Variants in PPP1R9A observed in about 807,000 individuals in gnomAD.
PPP1R9A encodes neurabin-1.
In PPP1R9A, 59 loss-of-function variants were observed where a neutral mutation model predicts 141.9. The ratio of observed to expected loss-of-function variants is 0.42; its 90% CI spans 0.34 to 0.52. PPP1R9A has a LOEUF of 0.52. PPP1R9A is among the 20% of genes least tolerant of loss of function. The probability of loss-of-function intolerance (pLI) is 0.10; values close to 1 mark genes in which losing one functional copy is unlikely to be tolerated. For synonymous variants in PPP1R9A, 500 were observed against 569.7 expected (o/e 0.88, Z 1.74); for missense variants, 1,444 against 1,611.9 (o/e 0.90, Z 1.78).
At chr7:95,264,100 T>C (rs1007827912) in intron 12 of PPP1R9A, among the ~76,000 whole-genome samples, 3 of 152,218 alleles carry the variant, frequency 2.0e-5, no homozygotes, top group African/African-American at 7.2e-5. Flanking sequence ...TGTTTTACAC[T>C]GCCTCTCTGA....
chr7:95,235,253 T>C (rs1407748310), intron 8 of PPP1R9A, among the ~76,000 whole-genome samples: 1 of 152,102 alleles, frequency 6.6e-6, no homozygotes, highest in African/African-American at 2.4e-5. Context: ...GAGAAAGTCT[T>C]TGCCATCTAT....
chr7:94,910,272 G>A lies in PPP1R9A; in HGVS notation c.159G>A (p.Gln53=), dbSNP rs1284230233. Residue 53 remains glutamine, a synonymous_variant, in exon 2 of 20, where the codon CAG becomes CAA. Coordinates refer to ENST00000433360, the MANE Select transcript of PPP1R9A (RefSeq NM_001166160.2). This position sits in a 1 kb window ranked among gnomAD's most constrained non-coding sequence, Gnocchi z 4.5. The part of the protein sequence containing the change: ...QKTKEGEGSQ[Q]SRGRKYGSNV... ...CAAAAGAAGGTGAGGGCTCCCAGCA[G>A]AGCAGGGGGAGGAAATATGGCTCCA... 1.2e-6 allele frequency: 2 copies of A among 1,614,004 alleles called. No homozygotes were observed. The highest frequency in any genetic ancestry group is 1.7e-6 in the Non-Finnish European group (2 of 1,180,044).
Position 95,235,589 on chromosome 7 carries a change from C to T in PPP1R9A, c.2112+9473C>T, listed in dbSNP as rs559333738. ...CTGTTGGTGGGAATGTAAACTAGTACAACCACTATGGAAAACAGTGTGGAG... is the reference window on the plus strand; with the variant it reads ...CTGTTGGTGGGAATGTAAACTAGTATAACCACTATGGAAAACAGTGTGGAG... On this transcript the variant is annotated intron_variant, in intron 8 of 19. Coordinates refer to ENST00000433360, the MANE Select transcript of PPP1R9A (RefSeq NM_001166160.2). 1.1e-4 allele frequency among the ~76,000 whole-genome samples: 16 copies of T among 152,264 alleles called. No homozygotes were observed. The South Asian group carries it at 1.2e-3, about 12-fold the overall frequency.
intron 7 of PPP1R9A, among the ~76,000 whole-genome samples, chr7:95,208,659 G>A (rs1188264182): frequency 6.0e-5 from 9 of 150,916 alleles, no homozygotes; most frequent in Non-Finnish European, 1.0e-4. Flanking sequence ...GGGAGGCAGA[G>A]CTTGCAGTGA....
rs1033637546 is a variant in PPP1R9A at position 95,286,342 on chromosome 7, A to G, written c.3729+17A>G. ...TCAGATGAGGTAATTCCATGGCACTATGACAGAGCTGCTTTGTCAAATCTG... is the reference window on the plus strand; with the variant it reads ...TCAGATGAGGTAATTCCATGGCACTGTGACAGAGCTGCTTTGTCAAATCTG... On this transcript the variant is annotated intron_variant, in intron 18 of 19. Transcript: ENST00000433360. 6.2e-6 allele frequency: 10 copies of G among 1,610,866 alleles called. No homozygotes were observed. Among genetic ancestry groups the G allele is most frequent in the African/African-American group, 5.3e-5 (4 of 74,848 alleles).
rs1806850948 is a variant in PPP1R9A at position 95,294,614 on chromosome 7, T to C, written c.*4311T>C. ...ATTTTGTTTGCATTTGTCTTGCGTA[T>C]TTAAAGTCTCAGGAAATCTAGTCTT... is the stretch of plus-strand genomic sequence containing the variant. On this transcript the variant is annotated 3_prime_UTR_variant, in exon 20 of 20. Coordinates refer to ENST00000433360, the MANE Select transcript of PPP1R9A (RefSeq NM_001166160.2). The C allele has an allele frequency of 6.6e-6, 1 of 152,206 alleles. No homozygotes were observed. Among genetic ancestry groups the C allele is most frequent in the Admixed American group, 6.5e-5 (1 of 15,280 alleles). 9.4% of individuals were successfully genotyped at this position (152,206 alleles called of 1,614,324 possible).
chr7:94,989,981 G>A (rs969161667), intron 2 of PPP1R9A, among the ~76,000 whole-genome samples: 3 of 151,918 alleles, frequency 2.0e-5, no homozygotes, highest in African/African-American at 4.8e-5. Flanking sequence ...TTCATGAAGC[G>A]TTTGATTAGT....
intron 2 of PPP1R9A, among the ~76,000 whole-genome samples, chr7:95,014,809 T>C (rs1298472674): frequency 6.6e-6 from 1 of 152,102 alleles, no homozygotes; most frequent in African/African-American, 2.4e-5. Flanking sequence ...GAAGTTTCCT[T>C]TCTCATTTGC....
intron 7 of PPP1R9A, 136 bp from the exon 8 acceptor site, chr7:95,225,825 A>T (rs1456390373): frequency 7.3e-6 from 6 of 821,656 alleles, no homozygotes; most frequent in Non-Finnish European, 1.1e-5. Context: ...TGCATGAGGC[A>T]TGCTTGGCTG....
chr7:95,072,883 A>T (rs28738819), intron 2 of PPP1R9A, among the ~76,000 whole-genome samples: 25 of 115,990 alleles, frequency 2.2e-4, no homozygotes, highest in Non-Finnish European at 3.5e-4. Flanking sequence ...AATATTATAT[A>T]ATATACCATA....
rs180897874 is a variant in PPP1R9A, at chr7:95,023,848, G to A, written c.1396-87411G>A. ...ATTACAGGCGTGAGCCACCATGCCC[G>A]GCCTTCTCTAGTTCTTTTAATTGTG... On this transcript the variant is annotated intron_variant, in intron 2 of 19. Transcript: ENST00000433360. Among the ~76,000 whole-genome samples the A allele has an allele frequency of 7.9e-5, 12 of 152,122 alleles. No homozygotes were observed. In the East Asian group the frequency reaches 1.7e-3, roughly 22 times the overall value.
At chr7:95,055,380 T>C (rs1811373779) in intron 2 of PPP1R9A, among the ~76,000 whole-genome samples, 2 of 152,158 alleles carry the variant, frequency 1.3e-5, no homozygotes, top group Non-Finnish European at 1.5e-5. Flanking sequence ...ACCCATTCTT[T>C]TGTTCTTGAT....
chr7:94,965,987 T>A (rs867890201), intron 2 of PPP1R9A, among the ~76,000 whole-genome samples: 1 of 152,214 alleles, frequency 6.6e-6, no homozygotes. Context: ...GTGTCCTCTC[T>A]TATTTCCTTG....
rs537312645 is a variant in PPP1R9A at position 95,142,133 on chromosome 7, G to A, written c.1650-19734G>A. ...TAATGATGTTGAACATTTTTTTCAT[G>A]TGCTTATTGGCCATTTTTATATCTA... On this transcript the variant is annotated intron_variant, in intron 4 of 19. Coordinates refer to ENST00000433360, the MANE Select transcript of PPP1R9A (RefSeq NM_001166160.2). Among the ~76,000 whole-genome samples, 53 of 151,934 alleles carry A rather than the reference G, an allele frequency of 3.5e-4. 1 individual carries two copies. The highest frequency in any genetic ancestry group is 6.8e-3 in the Middle Eastern group (2 of 294).
chr7:95,219,960 T>C (rs563299048), intron 7 of PPP1R9A, among the ~76,000 whole-genome samples: 1 of 152,242 alleles, frequency 6.6e-6, no homozygotes, highest in African/African-American at 2.4e-5. Context: ...AATCATAACG[T>C]CATGCAGTCA....
chr7:95,255,957 A>G (rs73223907), intron 12 of PPP1R9A, among the ~76,000 whole-genome samples: 21,845 of 152,026 alleles, frequency 0.14, 1,781 homozygotes, highest in Admixed American at 0.21. Context: ...TTTCTGTGAA[A>G]TTTGAATATT....
At chr7:95,151,941 C>CTTTTTTTTTTTTTTTTTTTTTTTTT (rs1167382285) in intron 4 of PPP1R9A, among the ~76,000 whole-genome samples, 1 of 54,446 alleles carries the variant, frequency 1.8e-5, no homozygotes. Context: ...TACTGAGAAT[C>CTTTTTTTTTTTTTTTTTTTTTTTTT]TTTTTTTTTT....
intron 2 of PPP1R9A, among the ~76,000 whole-genome samples, chr7:94,962,954 G>A (rs941338849): frequency 1.3e-5 from 2 of 152,000 alleles, no homozygotes; most frequent in Non-Finnish European, 2.9e-5. Flanking sequence ...TTTGCTTCCT[G>A]TTCATACATG....
intron 2 of PPP1R9A, among the ~76,000 whole-genome samples, chr7:94,996,162 C>T (rs1208549528): frequency 6.6e-6 from 1 of 151,966 alleles, no homozygotes; most frequent in East Asian, 1.9e-4. Context: ...TTATGCTATA[C>T]AAAAGTTAAT....
Sources: gnomAD v4.1 joint callset for allele counts (sites outside exome capture counted in the v4.1 genomes callset) on GRCh38, gnomAD v4.1.1 for gene constraint, Gnocchi (gnomAD v3.1) non-coding constraint, MANE v1.5 for transcripts, NCBI Gene and HGNC (gene_info 2026-07-23, HGNC 2026-07-21) for gene names.